The following SKOR1 variants were observed in gnomAD, a reference collection of about 807,000 sequenced individuals.
SKOR1 encodes the protein SKI family transcriptional corepressor 1.
Under a neutral mutation model 72.4 loss-of-function variants are expected in SKOR1, and 38 were observed. That is an observed-to-expected ratio of 0.52 (90% confidence interval 0.40 to 0.69). SKOR1 has a LOEUF of 0.69. SKOR1 is among the 30% of genes least tolerant of loss of function. The pLI, the probability that SKOR1 is intolerant of heterozygous loss-of-function variation, is 0.00. For missense variants in SKOR1, 1,320 were observed against 1,343.2 expected (o/e 0.98, Z 0.27); for synonymous variants, 642 against 599.4 (o/e 1.07, Z -1.04).
In SKOR1 at chr15:67,825,851, C is replaced by T. The variant is rs1200450062; in HGVS notation, c.108-85C>T. On this transcript the variant is annotated intron_variant, in intron 1 of 8. Coordinates refer to ENST00000380035, the MANE Select transcript of SKOR1 (RefSeq NM_001365915.1). The surrounding 1 kb of genome is among the most constrained non-coding windows in gnomAD (Gnocchi z 5.6). ...TGCCAAGTATCCCCCGCGCGCCCAA[C>T]TCGGAGCGCCCTGCTGGGCGGGCCC... The T allele has an allele frequency of 3.3e-6, 5 of 1,514,638 alleles. No individual in the cohort carries two copies. The highest frequency in any genetic ancestry group is 4.4e-6 in the Non-Finnish European group (5 of 1,138,732). 93.8% of individuals were successfully genotyped at this position (1,514,638 alleles called of 1,614,324 possible). A position where few individuals can be genotyped will look rare whatever the true frequency, so the allele number is the denominator to read the frequency against.
Position 67,833,613 on chromosome 15 carries a change from T to A in SKOR1, c.2804-129T>A, listed in dbSNP as rs1027945880. Reference sequence around the variant, plus strand: ...GCTTTTGTCCTACCCTCCTGCCTCCTCCTGATCCGCTCGGTTGAGATTCCC... The same window carrying A: ...GCTTTTGTCCTACCCTCCTGCCTCCACCTGATCCGCTCGGTTGAGATTCCC... On this transcript the variant is annotated intron_variant, in intron 8 of 8. Transcript: ENST00000380035. This position sits in a 1 kb window ranked among gnomAD's most constrained non-coding sequence, Gnocchi z 6.0. 4.1e-6 allele frequency: 4 copies of A among 965,136 alleles called. No homozygotes were observed. Among genetic ancestry groups the A allele is most frequent in the Non-Finnish European group, 6.6e-6 (4 of 606,116 alleles). The allele number at this position is 965,136 out of a possible 1,614,324, so 59.8% of individuals were successfully genotyped here.
Position 67,827,142 on chromosome 15 carries a change from G to C in SKOR1, c.1314G>C (p.Ala438=), listed in dbSNP as rs749154646. The C allele has an allele frequency of 7.3e-6, 10 of 1,369,720 alleles. No homozygotes were observed. Among genetic ancestry groups the C allele is most frequent in the African/African-American group, 1.5e-5 (1 of 65,616 alleles). 84.8% of individuals were successfully genotyped at this position (1,369,720 alleles called of 1,614,324 possible). A position where few individuals can be genotyped will look rare whatever the true frequency, so the allele number is the denominator to read the frequency against. The change falls in exon 2 of 9, where the codon GCG becomes GCC. Residue 438 remains alanine (A), a synonymous_variant. Transcript: ENST00000380035. ...GCGGCGCGGGGACAGGCGGGGGTGC[G>C]GGGGGCCCGGGAGCCAGCCACTTGC... is the stretch of plus-strand genomic sequence containing the variant. The part of the protein sequence containing the change: ...GGGGAGTGGG[A]GGPGASHLPP...
chr15:67,829,795 C>T (rs948048961), intron 3 of SKOR1, among the ~76,000 whole-genome samples: 1 of 152,246 alleles, frequency 6.6e-6, no homozygotes, highest in Non-Finnish European at 1.5e-5. Context: ...GCAGCCGAAC[C>T]CCGGACGATG....
rs951244451 is a variant in SKOR1, at chr15:67,833,710, G to A, written c.2804-32G>A. Reference sequence around the variant, plus strand: ...CGCGGTGAGGTGAGCCTGGAGAGGCGCCCAGAGTGACCCTCGCGACTGTCT... The same window carrying A: ...CGCGGTGAGGTGAGCCTGGAGAGGCACCCAGAGTGACCCTCGCGACTGTCT... On this transcript the variant is annotated intron_variant, in intron 8 of 8. Coordinates refer to ENST00000380035, the MANE Select transcript of SKOR1 (RefSeq NM_001365915.1). This position sits in a 1 kb window ranked among gnomAD's most constrained non-coding sequence, Gnocchi z 6.0. 1.1e-5 allele frequency: 18 copies of A among 1,607,020 alleles called. No homozygotes were observed. Among genetic ancestry groups the A allele is most frequent in the Non-Finnish European group, 1.4e-5 (17 of 1,174,456 alleles).
chr15:67,833,787 C>T lies in SKOR1; in HGVS notation c.2849C>T (p.Pro950Leu). ...LHHFSCKMLT[P>L]RHCTGNCSFK... Reference sequence around the variant, plus strand: ...CATTTCTCCTGCAAGATGCTGACGCCCCGCCACTGCACTGGCAACTGCTCC... The same window carrying T: ...CATTTCTCCTGCAAGATGCTGACGCTCCGCCACTGCACTGGCAACTGCTCC... The change falls in exon 9 of 9, where the codon CCC becomes CTC. Residue 950 changes from proline (P) to leucine (L), a missense_variant. Around this residue, in one of 3 missense-constraint regions of SKOR1, gnomAD observed 1,099 missense variants for 1,025.5 expected, o/e 1.07. Transcript: ENST00000380035. The surrounding 1 kb of genome is among the most constrained non-coding windows in gnomAD (Gnocchi z 6.0). The T allele has an allele frequency of 6.2e-7, 1 of 1,613,244 alleles. No individual in the cohort carries two copies. The highest frequency in any genetic ancestry group is 8.5e-7 in the Non-Finnish European group (1 of 1,180,042).
In SKOR1 at chr15:67,827,255, C is replaced by T. The variant is rs752974450; in HGVS notation, c.1427C>T (p.Ala476Val). 5 of 1,575,590 alleles carry T rather than the reference C, an allele frequency of 3.2e-6. No individual in the cohort carries two copies. Among genetic ancestry groups the T allele is most frequent in the Admixed American group, 3.4e-5 (2 of 58,268 alleles). The change falls in exon 2 of 9, where the codon GCT becomes GTT. Residue 476 changes from alanine to valine, a missense_variant. Coordinates refer to ENST00000380035, the MANE Select transcript of SKOR1 (RefSeq NM_001365915.1). ...GCAGCCAAGGACGCAGCGGCAGTGG[C>T]TGCAGCGGCCGCCGCCGCCACTGTG... ...SGAAKDAAAVAAAAAAATVYP... is the reference protein window; with the variant it reads ...SGAAKDAAAVVAAAAAATVYP...
rs1242512879 is a variant in SKOR1 at position 67,826,879 on chromosome 15, G to A, written c.1051G>A (p.Ala351Thr). ...PPHPQRGLGL[A>T]TGASGPAGPG... ...CCACCCGCAGCGCGGACTTGGCCTGGCGACTGGAGCTAGTGGCCCGGCGGG... is the reference window on the plus strand; with the variant it reads ...CCACCCGCAGCGCGGACTTGGCCTGACGACTGGAGCTAGTGGCCCGGCGGG... The change falls in exon 2 of 9, where the codon GCG (alanine) becomes ACG (threonine). Residue 351 changes from alanine to threonine, a missense_variant. Coordinates refer to ENST00000380035, the MANE Select transcript of SKOR1 (RefSeq NM_001365915.1). 10 of 1,542,682 alleles carry A rather than the reference G, an allele frequency of 6.5e-6. No individual in the cohort carries two copies. In the Admixed American group the frequency reaches 1.5e-4, roughly 24 times the overall value.
chr15:67,826,281 C>T lies in SKOR1; in HGVS notation c.453C>T (p.Cys151=), dbSNP rs1439357317. Residue 151 remains cysteine, a synonymous_variant, in exon 2 of 9, where the codon TGC becomes TGT. Transcript: ENST00000380035. The part of the protein sequence containing the change: ...AGAMPISSRR[C]GMITKREAER... ...CCATGCCCATCTCGTCGCGCCGCTGCGGCATGATCACTAAGCGAGAGGCCG... is the reference window on the plus strand; with the variant it reads ...CCATGCCCATCTCGTCGCGCCGCTGTGGCATGATCACTAAGCGAGAGGCCG... 3.1e-6 allele frequency: 5 copies of T among 1,613,300 alleles called. No homozygotes were observed. The highest frequency in any genetic ancestry group is 1.6e-4 in the Middle Eastern group (1 of 6,062).
rs369836826 is a variant in SKOR1, at chr15:67,826,691, G to A, written c.863G>A (p.Gly288Asp). Residue 288 changes from glycine (G) to aspartate (D), a missense_variant, in exon 2 of 9, where the codon GGC becomes GAC. By Grantham distance (94) the Gly-to-Asp change is moderately conservative. Coordinates refer to ENST00000380035, the MANE Select transcript of SKOR1 (RefSeq NM_001365915.1). ...TTCTCCCTACAAGGAGGCGGCGGAG[G>A]CGGTGCCAATGGCGGGTCGGGTGGG... is the stretch of plus-strand genomic sequence containing the variant. ...RTFSLQGGGG[G>D]GANGGSGGQG... is the part of the protein sequence containing the mutation. 117 of 1,572,928 alleles carry A rather than the reference G, an allele frequency of 7.4e-5. No individual in the cohort carries two copies. Among genetic ancestry groups the A allele is most frequent in the Non-Finnish European group, 5.7e-5 (66 of 1,160,980 alleles).
rs753618371 is a variant in SKOR1 at position 67,826,688 on chromosome 15, G to C, written c.860G>C (p.Gly287Ala). The part of the protein sequence containing the change: ...KRTFSLQGGG[G>A]GGANGGSGGQ... The stretch of plus-strand genomic sequence containing the variant: ...ACCTTCTCCCTACAAGGAGGCGGCG[G>C]AGGCGGTGCCAATGGCGGGTCGGGT... Residue 287 changes from glycine (G) to alanine (A), a missense_variant, in exon 2 of 9, where the codon GGA (glycine) becomes GCA (alanine). Coordinates refer to ENST00000380035, the MANE Select transcript of SKOR1 (RefSeq NM_001365915.1). 32 of 1,575,310 alleles carry C rather than the reference G, an allele frequency of 2.0e-5. No homozygotes were observed. Among genetic ancestry groups the C allele is most frequent in the Non-Finnish European group, 2.8e-5 (32 of 1,162,128 alleles).
chr15:67,827,747 G>T lies in SKOR1; in HGVS notation c.1919G>T (p.Ser640Ile), dbSNP rs986645954. Residue 640 changes from serine (S) to isoleucine (I), a missense_variant, in exon 2 of 9, where the codon AGC becomes ATC. Ser to Ile is a moderately radical substitution (Grantham distance 142). Transcript: ENST00000380035. ...GGCTACGTGAGCCCGGACTTTCTGA[G>T]CGAGGGCAGCTCCAGCTACAATTCC... Reference protein sequence around the residue: ...SGGYVSPDFLSEGSSSYNSAS... With the variant: ...SGGYVSPDFLIEGSSSYNSAS... 4 of 1,549,642 alleles carry T rather than the reference G, an allele frequency of 2.6e-6. No homozygotes were observed. Among genetic ancestry groups the T allele is most frequent in the Non-Finnish European group, 3.5e-6 (4 of 1,146,566 alleles).
Position 67,833,069 on chromosome 15 carries a change from C to T in SKOR1, c.2738-123C>T. ...GTTAGGAGCTCCGGTACCCCCTCCC[C>T]CATCCCTGGAGTTGTTTCTGCGCGG... On this transcript the variant is annotated intron_variant, in intron 7 of 8. Transcript: ENST00000380035. This position sits in a 1 kb window ranked among gnomAD's most constrained non-coding sequence, Gnocchi z 6.0. The T allele has an allele frequency of 1.0e-6, 1 of 960,914 alleles. No homozygotes were observed. Among genetic ancestry groups the T allele is most frequent in the Non-Finnish European group, 1.6e-6 (1 of 616,090 alleles). 59.5% of individuals were successfully genotyped at this position (960,914 alleles called of 1,614,324 possible). A position where few individuals can be genotyped will look rare whatever the true frequency, so the allele number is the denominator to read the frequency against.
At chr15:67,828,288 T>G in intron 2 of SKOR1, 144 bp downstream of exon 2, 1 of 1,326,928 alleles carries the variant, frequency 7.5e-7, no homozygotes, top group Non-Finnish European at 9.6e-7. Context: ...AGGCCCAGCC[T>G]TGGGCGCGCT....
chr15:67,833,926 A>AT lies in SKOR1; in HGVS notation c.*92dup. On this transcript the variant is annotated 3_prime_UTR_variant, in exon 9 of 9. Transcript: ENST00000380035. This position sits in a 1 kb window ranked among gnomAD's most constrained non-coding sequence, Gnocchi z 6.0. ...GGTGGCCCTGAGCGAGGAACAAGCCATTCGGACCCGACCGATGTAAATACA... is the reference window on the plus strand; with the variant it reads ...GGTGGCCCTGAGCGAGGAACAAGCCATTTCGGACCCGACCGATGTAAATACA... The AT allele has an allele frequency of 1.4e-6, 2 of 1,391,244 alleles. No individual in the cohort carries two copies. The highest frequency in any genetic ancestry group is 2.0e-6 in the Non-Finnish European group (2 of 992,878). 86.2% of individuals were successfully genotyped at this position (1,391,244 alleles called of 1,614,324 possible).
Position 67,833,753 on chromosome 15 carries a change from G to A in SKOR1, c.2815G>A (p.Ala939Thr). 2 of 1,613,582 alleles carry A rather than the reference G, an allele frequency of 1.2e-6. No individual in the cohort carries two copies. The highest frequency in any genetic ancestry group is 8.5e-7 in the Non-Finnish European group (1 of 1,180,022). ...GACTGTCTCCCCAGAAGCCCACGAC[G>A]CCCTGCACCATTTCTCCTGCAAGAT... Reference protein sequence around the residue: ...IQQKLKEAHDALHHFSCKMLT... With the variant: ...IQQKLKEAHDTLHHFSCKMLT... Residue 939 changes from alanine to threonine, a missense_variant, in exon 9 of 9, where the codon GCC (alanine) becomes ACC (threonine). Transcript: ENST00000380035. The surrounding 1 kb of genome is among the most constrained non-coding windows in gnomAD (Gnocchi z 6.0).
chr15:67,833,262 G>A lies in SKOR1; in HGVS notation c.2803+5G>A, dbSNP rs746977357. On this transcript the variant is annotated splice_donor_5th_base_variant and intron_variant, in intron 8 of 8. Coordinates refer to ENST00000380035, the MANE Select transcript of SKOR1 (RefSeq NM_001365915.1). This position sits in a 1 kb window ranked among gnomAD's most constrained non-coding sequence, Gnocchi z 6.0. ...CCATCCAGCAGAAATTGAAAGGTGC[G>A]GAAGCCGGGAAACAAAGATAGGAGG... The A allele has an allele frequency of 6.2e-7, 1 of 1,614,042 alleles. No individual in the cohort carries two copies. Among genetic ancestry groups the A allele is most frequent in the East Asian group, 2.2e-5 (1 of 44,880 alleles).
rs934159511 is a variant in SKOR1 at position 67,825,614 on chromosome 15, G to C, written c.12G>C (p.Leu4=). 8.3e-6 allele frequency: 6 copies of C among 720,688 alleles called. No homozygotes were observed. Among genetic ancestry groups the C allele is most frequent in the Admixed American group, 4.0e-5 (2 of 50,268 alleles). 44.6% of individuals were successfully genotyped at this position (720,688 alleles called of 1,614,324 possible). Residue 4 remains leucine, a synonymous_variant, in exon 1 of 9, where the codon CTG becomes CTC. Transcript: ENST00000380035. This position sits in a 1 kb window ranked among gnomAD's most constrained non-coding sequence, Gnocchi z 5.6. MAL[L]CGLGQVTLRI... Reference sequence around the variant, plus strand: ...GCCAGGATTTGGCAATGGCTTTGCTGTGTGGCCTTGGGCAAGTCACTCTGC... The same window carrying C: ...GCCAGGATTTGGCAATGGCTTTGCTCTGTGGCCTTGGGCAAGTCACTCTGC...
rs376322902 is a variant in SKOR1 at position 67,833,854 on chromosome 15, C to G, written c.*18C>G. The stretch of plus-strand genomic sequence containing the variant: ...TGCCCTAGGGCCGGCCTGGCCGCAC[C>G]CCTGCGCCCTCAAGCCATGCTGCTC... On this transcript the variant is annotated 3_prime_UTR_variant, in exon 9 of 9. Coordinates refer to ENST00000380035, the MANE Select transcript of SKOR1 (RefSeq NM_001365915.1). This position sits in a 1 kb window ranked among gnomAD's most constrained non-coding sequence, Gnocchi z 6.0. The G allele has an allele frequency of 1.2e-6, 2 of 1,603,240 alleles. No individual in the cohort carries two copies. The highest frequency in any genetic ancestry group is 1.7e-5 in the Admixed American group (1 of 60,018).
In SKOR1 at chr15:67,832,296, G is replaced by A; in HGVS notation, c.2610G>A (p.Leu870=). 1 of 1,614,096 alleles carries A rather than the reference G, an allele frequency of 6.2e-7. No individual in the cohort carries two copies. The highest frequency in any genetic ancestry group is 1.1e-5 in the South Asian group (1 of 91,074). ...CAGAGGAATTGCAAAAACTGCTCCT[G>A]GAACAAATGGAGCTCCGCAAGAAGC... ...LAREELQKLL[L]EQMELRKKLE... The change falls in exon 6 of 9, where the codon CTG becomes CTA. Residue 870 remains leucine (L), a synonymous_variant. Transcript: ENST00000380035. The surrounding 1 kb of genome is among the most constrained non-coding windows in gnomAD (Gnocchi z 4.5).
Sources: allele counts gnomAD v4.1 joint callset (sites outside exome capture counted in the v4.1 genomes callset), GRCh38; gene constraint gnomAD v4.1.1; regional missense constraint gnomAD v4.1.1; non-coding constraint Gnocchi (gnomAD v3.1); transcripts MANE v1.5; gene names NCBI Gene and HGNC (gene_info 2026-07-23, HGNC 2026-07-21).